NEK1: variants seen among roughly 807,000 people sequenced by gnomAD.
The protein encoded by NEK1 is serine/threonine-protein kinase Nek1.
In NEK1, 137 loss-of-function variants were observed where a neutral mutation model predicts 182.1. The observed-to-expected ratio is 0.75, with a 90% confidence interval of 0.65 to 0.87. NEK1 has a LOEUF of 0.87. Ranked by LOEUF, NEK1 falls within the 40% of genes least tolerant of loss-of-function variation. The probability of loss-of-function intolerance (pLI) is 0.00; values close to 1 mark genes in which losing one functional copy is unlikely to be tolerated. For missense variants in NEK1, 1,391 were observed against 1,494.4 expected (o/e 0.93, Z 1.14); for synonymous variants, 513 against 492.2 (o/e 1.04, Z -0.56).
chr4:169,468,318 G>A (rs1386207382), intron 26 of NEK1, among the ~76,000 whole-genome samples: 6 of 152,052 alleles, frequency 3.9e-5, no homozygotes, highest in Admixed American at 3.3e-4. Context: ...TTGCCCCTGG[G>A]AGGATAAGAA....
chr4:169,425,242 C>T (rs1466665168), intron 30 of NEK1, among the ~76,000 whole-genome samples: 2 of 151,996 alleles, frequency 1.3e-5, no homozygotes, highest in Non-Finnish European at 2.9e-5. Context: ...GCCTGAGCAA[C>T]TAAGTGAGAC....
At chr4:169,488,907 A>G in intron 23 of NEK1, among the ~76,000 whole-genome samples, 1 of 152,246 alleles carries the variant, frequency 6.6e-6, no homozygotes, top group South Asian at 2.1e-4. Context: ...TACATTATGG[A>G]TACTATTTTT....
At chr4:169,509,019 T>C (rs1479311116) in intron 19 of NEK1, among the ~76,000 whole-genome samples, 167 bp from the exon 20 acceptor site, 2 of 152,326 alleles carry the variant, frequency 1.3e-5, no homozygotes, top group Middle Eastern at 3.4e-3. Context: ...ACTTGAAATA[T>C]ATATTTAGTG....
chr4:169,498,854 A>C (rs1387857049), intron 23 of NEK1, among the ~76,000 whole-genome samples: 1 of 151,996 alleles, frequency 6.6e-6, no homozygotes, highest in African/African-American at 2.4e-5. Context: ...CCTTCATTTC[A>C]ACTTTGGTGA....
chr4:169,560,313 C>T (rs950443751), intron 16 of NEK1, among the ~76,000 whole-genome samples: 39 of 152,140 alleles, frequency 2.6e-4, no homozygotes, highest in African/African-American at 8.4e-4. Context: ...ACTAGGACCA[C>T]AATTTTCTTG....
At chr4:169,417,136 T>C (rs148620522) in intron 31 of NEK1, among the ~76,000 whole-genome samples, 22 of 152,308 alleles carry the variant, frequency 1.4e-4, no homozygotes, top group African/African-American at 4.1e-4. Context: ...CTTGAAAGAC[T>C]ATAATGAGTC....
intron 31 of NEK1, among the ~76,000 whole-genome samples, chr4:169,420,147 C>T (rs4557227): frequency 0.085 from 12,890 of 152,256 alleles, 1,756 homozygotes; most frequent in African/African-American, 0.29. Context: ...ACACACACGT[C>T]AGCCTATGCC....
chr4:169,424,436 G>T, intron 31 of NEK1, 117 bp downstream of exon 31: 2 of 1,186,806 alleles, frequency 1.7e-6, no homozygotes, highest in Non-Finnish European at 2.2e-6. Context: ...GGTTTTTGTT[G>T]GATGTGTGTT....
At chr4:169,422,177 T>C (rs764130641) in intron 31 of NEK1, among the ~76,000 whole-genome samples, 3 of 152,096 alleles carry the variant, frequency 2.0e-5, no homozygotes, top group African/African-American at 7.2e-5. Flanking sequence ...GCCGCTTCAG[T>C]GGACGAGCAG....
intron 2 of NEK1, among the ~76,000 whole-genome samples, chr4:169,603,829 C>T (rs1266921249): frequency 1.3e-5 from 2 of 151,876 alleles, no homozygotes; most frequent in African/African-American, 4.8e-5. Flanking sequence ...CCTCAGCCTC[C>T]CAAGTAGCTA....
At chr4:169,510,211 T>C (rs577940305) in intron 19 of NEK1, among the ~76,000 whole-genome samples, 5 of 152,300 alleles carry the variant, frequency 3.3e-5, no homozygotes, top group African/African-American at 7.2e-5. Context: ...GGCTTTAACA[T>C]ATGCTGCCAA....
intron 23 of NEK1, among the ~76,000 whole-genome samples, chr4:169,497,319 C>T (rs545197564): frequency 2.3e-4 from 32 of 142,104 alleles, no homozygotes; most frequent in Admixed American, 6.3e-4. Context: ...GTCTTGCTAG[C>T]GGTCTATCAA....
intron 2 of NEK1, among the ~76,000 whole-genome samples, chr4:169,604,764 A>G (rs899724586): frequency 3.9e-5 from 6 of 152,220 alleles, no homozygotes; most frequent in African/African-American, 1.4e-4. Flanking sequence ...CACTGATGAG[A>G]TAAGTATGAC....
intron 2 of NEK1, among the ~76,000 whole-genome samples, chr4:169,605,960 G>A (rs1024198243): frequency 3.9e-5 from 6 of 151,988 alleles, no homozygotes; most frequent in African/African-American, 1.2e-4. Context: ...ATAATCAAAC[G>A]CTAACCATCT....
chr4:169,403,878 AAAT>A (rs1198309304), intron 32 of NEK1, among the ~76,000 whole-genome samples: 6 of 151,410 alleles, frequency 4.0e-5, no homozygotes, highest in Admixed American at 6.6e-5. Context: ...AGACAAAAAA[AAAT>A]AATAATAATT....
intron 12 of NEK1, among the ~76,000 whole-genome samples, chr4:169,563,524 A>G (rs1057221652): frequency 6.6e-6 from 1 of 152,100 alleles, no homozygotes; most frequent in Non-Finnish European, 1.5e-5. Flanking sequence ...TAGGTAGGTA[A>G]TCATATCAAA....
chr4:169,400,363 C>G lies in NEK1; in HGVS notation c.3715-6G>C, dbSNP rs771507979. The stretch of plus-strand genomic sequence containing the variant: ...TCTTCATCTTCATGAATAGCCTATA[C>G]CAAATTCCCAAATATAAATTAATAT... On this transcript the variant is annotated splice_region_variant and splice_polypyrimidine_tract_variant and intron_variant, in intron 34 of 35. Transcript: ENST00000507142. The G allele has an allele frequency of 3.3e-5, 48 of 1,473,210 alleles. No homozygotes were observed. Among genetic ancestry groups the G allele is most frequent in the Admixed American group, 1.7e-4 (7 of 40,910 alleles). 91.3% of individuals were successfully genotyped at this position (1,473,210 alleles called of 1,614,324 possible). A position where few individuals can be genotyped will look rare whatever the true frequency, so the allele number is the denominator to read the frequency against.
At chr4:169,479,596 G>T in intron 23 of NEK1, 62 bp from the exon 24 acceptor site, 1 of 1,329,442 alleles carries the variant, frequency 7.5e-7, no homozygotes, top group East Asian at 2.4e-5. Context: ...GAAATAAAAT[G>T]GTACCTACCA....
At chr4:169,531,477 C>T (rs1278889799) in intron 19 of NEK1, among the ~76,000 whole-genome samples, 1 of 150,598 alleles carries the variant, frequency 6.6e-6, no homozygotes, top group Non-Finnish European at 1.5e-5. Context: ...ATATGTATTA[C>T]ATATATATTA....
Sources: allele counts gnomAD v4.1 joint callset (sites outside exome capture counted in the v4.1 genomes callset), GRCh38; gene constraint gnomAD v4.1.1; transcripts MANE v1.5; gene names NCBI Gene and HGNC (gene_info 2026-07-23, HGNC 2026-07-21).